The following RAP1GAP2 variants were observed in gnomAD, a reference collection of about 807,000 sequenced individuals.
RAP1GAP2 encodes the protein rap1 GTPase-activating protein 2.
A neutral mutation model predicts 95.0 loss-of-function variants in RAP1GAP2; 27 were observed. The observed-to-expected ratio is 0.28, with a 90% CI of 0.21 to 0.39. The LOEUF (loss-of-function observed/expected upper bound fraction) is 0.39, where lower values mean the gene tolerates loss of function less well. Among genes scored for constraint, RAP1GAP2 ranks in the 10% least tolerant of loss-of-function variants. The probability of loss-of-function intolerance (pLI) is 1.00; values close to 1 mark genes in which losing one functional copy is unlikely to be tolerated. For synonymous variants in RAP1GAP2, 373 were observed against 380.9 expected (o/e 0.98, Z 0.24); for missense variants, 771 against 970.0 (o/e 0.79, Z 2.72).
At chr17:3,016,687 C>T (rs1485595290) in intron 17 of RAP1GAP2, among the ~76,000 whole-genome samples, 3 of 152,180 alleles carry the variant, frequency 2.0e-5, no homozygotes, top group East Asian at 3.8e-4. Context: ...TGTTATTAAC[C>T]GTAAGAGTAG....
chr17:2,929,889 C>T (rs548118070), intron 3 of RAP1GAP2, among the ~76,000 whole-genome samples: 9 of 152,324 alleles, frequency 5.9e-5, no homozygotes, highest in African/African-American at 2.2e-4. Flanking sequence ...ATCACCAGTG[C>T]ACCCACTTCT....
intron 2 of RAP1GAP2, among the ~76,000 whole-genome samples, chr17:2,895,635 G>A (rs2041794723): frequency 2.0e-5 from 3 of 151,684 alleles, no homozygotes; most frequent in South Asian, 2.1e-4. Flanking sequence ...GGAGTGCAGT[G>A]GCGCGATCTC....
chr17:2,853,701 G>GCGGGAGC (rs1264682222), intron 2 of RAP1GAP2, among the ~76,000 whole-genome samples: 3 of 147,110 alleles, frequency 2.0e-5, no homozygotes, highest in African/African-American at 4.9e-5. Context: ...GCGCGTCTGA[G>GCGGGAGC]CGGGAGCCGG....
At chr17:3,001,460 AC>A (rs2046155327) in intron 14 of RAP1GAP2, among the ~76,000 whole-genome samples, 1 of 68,234 alleles carries the variant, frequency 1.5e-5, no homozygotes, top group Non-Finnish European at 2.9e-5. Context: ...AGGTCCAAGC[AC>A]CAGGCTGAAG....
chr17:2,861,844 C>T (rs1263415547), intron 2 of RAP1GAP2, among the ~76,000 whole-genome samples: 2 of 151,992 alleles, frequency 1.3e-5, no homozygotes, highest in Admixed American at 6.6e-5. Flanking sequence ...TTAGTAGAGA[C>T]GGGGTTTCAC....
At chr17:2,961,668 T>A (rs1213042781) in intron 4 of RAP1GAP2, among the ~76,000 whole-genome samples, 1 of 152,196 alleles carries the variant, frequency 6.6e-6, no homozygotes, top group East Asian at 1.9e-4. Context: ...AGATGAAAGG[T>A]GAGCGTCTAA....
chr17:3,009,061 T>A (rs75841461), intron 17 of RAP1GAP2, among the ~76,000 whole-genome samples: 1 of 152,150 alleles, frequency 6.6e-6, no homozygotes, highest in South Asian at 2.1e-4. Flanking sequence ...TGTGGGACTT[T>A]ATGGGGAATT....
intron 2 of RAP1GAP2, among the ~76,000 whole-genome samples, chr17:2,813,424 A>G (rs2069860576): frequency 6.6e-6 from 1 of 152,154 alleles, no homozygotes; most frequent in Non-Finnish European, 1.5e-5. Flanking sequence ...CAAACCTGGG[A>G]AGCACTTCCC....
chr17:2,803,353 G>A lies in RAP1GAP2; in HGVS notation c.80+2803G>A, dbSNP rs527719297. Among the ~76,000 whole-genome samples, 7 of 152,248 alleles carry A rather than the reference G, an allele frequency of 4.6e-5. 1 individual carries two copies. The highest frequency in any genetic ancestry group is 1.4e-4 in the African/African-American group (6 of 41,544). On this transcript the variant is annotated intron_variant, in intron 2 of 24. Transcript: ENST00000254695. ...CAAAAACCCAGTGTCATCTGGTTAC[G>A]CAAAAGATGGAATTTATGGGGAAGA...
At chr17:2,775,658 C>T (rs77484897), upstream of RAP1GAP2, among the ~76,000 whole-genome samples, 1,497 of 152,274 alleles carry the variant, frequency 9.8e-3, 19 homozygotes, top group African/African-American at 0.027. Context: ...ATTAAAGGAA[C>T]GGCTTTCTAG....
At chr17:3,006,917 A>G (rs1004383996) in intron 16 of RAP1GAP2, among the ~76,000 whole-genome samples, 1 of 152,144 alleles carries the variant, frequency 6.6e-6, no homozygotes, top group Non-Finnish European at 1.5e-5. Context: ...GATGGAGGTC[A>G]GCACAGCTCA....
chr17:2,774,690 C>G (rs908501290), upstream of RAP1GAP2, among the ~76,000 whole-genome samples: 2 of 151,684 alleles, frequency 1.3e-5, no homozygotes, highest in Non-Finnish European at 2.9e-5. Flanking sequence ...AGGCTGGTCT[C>G]GAATTCCTGA....
intron 2 of RAP1GAP2, among the ~76,000 whole-genome samples, chr17:2,834,314 G>T (rs944850259): frequency 2.0e-5 from 3 of 152,196 alleles, no homozygotes; most frequent in African/African-American, 7.2e-5. Context: ...CTTGCTGAAG[G>T]AGCTGAGCCA....
At chr17:2,993,761 A>C (rs1034325774) in intron 12 of RAP1GAP2, among the ~76,000 whole-genome samples, 2 of 150,340 alleles carry the variant, frequency 1.3e-5, no homozygotes, top group African/African-American at 2.4e-5. Context: ...ACGGCCAGGC[A>C]TGGTGGGTCT....
chr17:2,963,907 G>C lies in RAP1GAP2; in HGVS notation c.331G>C (p.Gly111Arg). The C allele has an allele frequency of 6.2e-7, 1 of 1,613,360 alleles. No individual in the cohort carries two copies. Among genetic ancestry groups the C allele is most frequent in the Middle Eastern group, 1.7e-4 (1 of 6,054 alleles). The change falls in exon 7 of 25, where the codon GGC becomes CGC. Residue 111 changes from glycine (G) to arginine (R), a missense_variant. By Grantham distance (125) the Gly-to-Arg change is moderately radical. Transcript: ENST00000254695. The surrounding 1 kb of genome is among the most constrained non-coding windows in gnomAD (Gnocchi z 4.8). ...TCAGGTCATCCTGCCACAGTTTGGG[G>C]GCTATTGGATCGAGGACCCGGAGAA... ...YPQVILPQFGGYWIEDPENVG... is the reference protein window; with the variant it reads ...YPQVILPQFGRYWIEDPENVG...
At chr17:2,804,847 C>T (rs1020156778) in intron 2 of RAP1GAP2, among the ~76,000 whole-genome samples, 2 of 152,194 alleles carry the variant, frequency 1.3e-5, no homozygotes, top group East Asian at 1.9e-4. Context: ...ACAGGCAAAT[C>T]GTTCACCTCT....
intron 2 of RAP1GAP2, among the ~76,000 whole-genome samples, chr17:2,873,700 G>A (rs184830287): frequency 2.1e-4 from 32 of 152,094 alleles, no homozygotes; most frequent in African/African-American, 7.7e-4. Context: ...TGGAATTAGT[G>A]GTGGTGGTTA....
In RAP1GAP2 at chr17:2,822,643, T is replaced by G. The variant is rs554256006; in HGVS notation, c.80+22093T>G. 2.7e-5 allele frequency among the ~76,000 whole-genome samples: 4 copies of G among 149,920 alleles called. No individual in the cohort carries two copies. In the East Asian group the frequency reaches 7.8e-4, roughly 29 times the overall value. ...TTTTTTTTTGTTTTTTTTTTTTTTT[T>G]TTTTTTTAAGAAAAGGTGGCTCACG... On this transcript the variant is annotated intron_variant, in intron 2 of 24. Coordinates refer to ENST00000254695, the MANE Select transcript of RAP1GAP2 (RefSeq NM_015085.5).
rs2071031279 is a variant in RAP1GAP2, at chr17:2,834,180, G to T, written c.80+33630G>T. Among the ~76,000 whole-genome samples, 2 of 152,112 alleles carry T rather than the reference G, an allele frequency of 1.3e-5. 1 individual carries two copies. The highest frequency in any genetic ancestry group is 4.1e-4 in the South Asian group (2 of 4,826). On this transcript the variant is annotated intron_variant, in intron 2 of 24. Transcript: ENST00000254695. ...AGTTGGCTGTGGGATTGACCACACT[G>T]ACTTCCCCAGACCCATCTTAAGAGG...
Sources: allele counts gnomAD v4.1 joint callset (sites outside exome capture counted in the v4.1 genomes callset), GRCh38; gene constraint gnomAD v4.1.1; non-coding constraint Gnocchi (gnomAD v3.1); transcripts MANE v1.5; gene names NCBI Gene and HGNC (gene_info 2026-07-23, HGNC 2026-07-21).